Variants in SLC44A5 observed in about 807,000 individuals in gnomAD.
The protein encoded by SLC44A5 is solute carrier family 44 member 5.
In SLC44A5, 57 loss-of-function variants were observed where a neutral mutation model predicts 101.8. The observed-to-expected ratio is 0.56, with a 90% confidence interval of 0.45 to 0.70. The LOEUF (loss-of-function observed/expected upper bound fraction) is 0.70. SLC44A5 is among the 30% of genes least tolerant of loss of function. SLC44A5 has a pLI of 0.00. For missense variants in SLC44A5, 737 were observed against 853.1 expected, an observed-to-expected ratio of 0.86 and a Z score of 1.70; for synonymous variants, 281 against 290.9, an observed-to-expected ratio of 0.97 and a Z score of 0.35.
intron 3 of SLC44A5, among the ~76,000 whole-genome samples, chr1:75,343,825 G>A (rs1246696832): frequency 6.6e-6 from 1 of 152,104 alleles, no homozygotes; most frequent in Non-Finnish European, 1.5e-5. Flanking sequence ...GTCTATAAAA[G>A]AGGGCCTGTC....
chr1:75,628,729 A>G, the SLC44A5 span, among the ~76,000 whole-genome samples: 3 of 152,208 alleles, frequency 2.0e-5, no homozygotes, highest in Admixed American at 1.3e-4. Flanking sequence ...GAAGTTTTCA[A>G]GAATTTACAG....
chr1:75,241,982 TA>T lies in SLC44A5; in HGVS notation c.532+18del. ...TTTGGTAGATCCTATGTTTCTAAGG[TA>T]AAATAGTTGCCACTTACAAGGTTTG... On this transcript the variant is annotated intron_variant, in intron 9 of 23. Transcript: ENST00000370859. The T allele has an allele frequency of 6.3e-7, 1 of 1,599,334 alleles. No homozygotes were observed. Among genetic ancestry groups the T allele is most frequent in the Non-Finnish European group, 8.6e-7 (1 of 1,167,274 alleles).
intron 1 of SLC44A5, among the ~76,000 whole-genome samples, chr1:75,582,935 A>C (rs565554898): frequency 6.6e-6 from 1 of 152,140 alleles, no homozygotes; most frequent in Non-Finnish European, 1.5e-5. Flanking sequence ...TTTTTCTCCC[A>C]TCACTGCATT....
At chr1:75,584,696 A>AG (rs1673896379) in intron 1 of SLC44A5, among the ~76,000 whole-genome samples, 1 of 152,050 alleles carries the variant, frequency 6.6e-6, no homozygotes, top group South Asian at 2.1e-4. Context: ...CTCATGCCTC[A>AG]GCATTCCAGT....
chr1:75,461,644 C>T (rs1016955826), intron 2 of SLC44A5, among the ~76,000 whole-genome samples: 2 of 152,096 alleles, frequency 1.3e-5, no homozygotes, highest in Non-Finnish European at 2.9e-5. Context: ...ACAAAGCAAA[C>T]CCTTGGATAG....
intron 5 of SLC44A5, among the ~76,000 whole-genome samples, chr1:75,284,565 G>A (rs559491208): frequency 6.6e-6 from 1 of 152,164 alleles, no homozygotes; most frequent in South Asian, 2.1e-4. Context: ...AGTGTTGAAA[G>A]CAAGCATCCT....
At chr1:75,366,399 T>G (rs1659860272) in intron 3 of SLC44A5, among the ~76,000 whole-genome samples, 2 of 152,214 alleles carry the variant, frequency 1.3e-5, no homozygotes, top group African/African-American at 2.4e-5. Flanking sequence ...GCAGCCTCAT[T>G]AAAGTTCTCT....
chr1:75,692,186 T>TA, the SLC44A5 span, among the ~76,000 whole-genome samples: 2 of 56,740 alleles, frequency 3.5e-5, no homozygotes. Context: ...GATGGGATTC[T>TA]TTTTTTTTTT....
the SLC44A5 span, among the ~76,000 whole-genome samples, chr1:75,698,008 ACG>A: frequency 6.6e-6 from 1 of 152,202 alleles, no homozygotes; most frequent in East Asian, 1.9e-4. Context: ...TCCTATGCCC[ACG>A]GAGTCTCACT....
chr1:75,447,386 T>C (rs1665647783), intron 2 of SLC44A5, among the ~76,000 whole-genome samples: 1 of 89,476 alleles, frequency 1.1e-5, no homozygotes, highest in Non-Finnish European at 2.6e-5. Flanking sequence ...TAATCACTTA[T>C]TTTACCTACT....
At chr1:75,375,367 G>A (rs1343838428) in intron 3 of SLC44A5, among the ~76,000 whole-genome samples, 9 of 152,192 alleles carry the variant, frequency 5.9e-5, no homozygotes, top group Non-Finnish European at 1.2e-4. Context: ...TGACTCACTG[G>A]CATGTCTGAG....
intron 2 of SLC44A5, among the ~76,000 whole-genome samples, chr1:75,504,396 A>G (rs1249757552): frequency 6.6e-6 from 1 of 152,084 alleles, no homozygotes; most frequent in African/African-American, 2.4e-5. Context: ...GGATCTGTTT[A>G]TTTTGCAATA....
chr1:75,386,432 C>A (rs1661353371), intron 3 of SLC44A5, among the ~76,000 whole-genome samples: 1 of 152,020 alleles, frequency 6.6e-6, no homozygotes, highest in Non-Finnish European at 1.5e-5. Context: ...AACAGAGAGC[C>A]AAATCATGAG....
chr1:75,653,162 T>C, the SLC44A5 span, among the ~76,000 whole-genome samples: 1 of 152,154 alleles, frequency 6.6e-6, no homozygotes, highest in Non-Finnish European at 1.5e-5. Context: ...TTTATGATTA[T>C]GAAAGGACAT....
chr1:75,389,562 G>C (rs935907624), intron 3 of SLC44A5, among the ~76,000 whole-genome samples: 3 of 152,126 alleles, frequency 2.0e-5, no homozygotes, highest in Non-Finnish European at 4.4e-5. Context: ...GCTCCTGAAT[G>C]ACTTTTGGGT....
intron 2 of SLC44A5, among the ~76,000 whole-genome samples, chr1:75,540,562 G>A (rs1671304969): frequency 6.6e-6 from 1 of 152,170 alleles, no homozygotes. Context: ...CCTCTTTTAA[G>A]AATCTTGTTA....
intron 2 of SLC44A5, among the ~76,000 whole-genome samples, chr1:75,463,022 T>C (rs1197026313): frequency 6.6e-6 from 1 of 152,026 alleles, no homozygotes; most frequent in Non-Finnish European, 1.5e-5. Flanking sequence ...GAGAAAGATA[T>C]CAATATTCAA....
At position 75,352,397 on chromosome 1, in the gene SLC44A5, C is replaced by T. The variant is rs573053232; in HGVS notation, c.53-12767G>A. Among the ~76,000 whole-genome samples the T allele has an allele frequency of 3.9e-5, 6 of 151,912 alleles. No individual in the cohort carries two copies. In the East Asian group the frequency reaches 7.7e-4, roughly 20 times the overall value. ...AGGCCCAAGTGTGTGTTGTTCCCCC[C>T]GATGTGTCCATGTGTTCTCATTGGA... On this transcript the variant is annotated intron_variant, in intron 3 of 23. Transcript: ENST00000370859.
intron 4 of SLC44A5, among the ~76,000 whole-genome samples, chr1:75,337,539 C>T (rs572914764): frequency 1.1e-4 from 16 of 152,288 alleles, no homozygotes; most frequent in African/African-American, 3.6e-4. Flanking sequence ...ATCTTTTTCA[C>T]TAATCAATCA....
Sources: allele counts gnomAD v4.1 joint callset (sites outside exome capture counted in the v4.1 genomes callset), GRCh38; gene constraint gnomAD v4.1.1; transcripts MANE v1.5; gene names NCBI Gene and HGNC (gene_info 2026-07-23, HGNC 2026-07-21).